WDR62: variants seen among roughly 807,000 people sequenced by gnomAD.
The protein encoded by WDR62 is WD repeat domain 62.
A neutral mutation model predicts 160.6 loss-of-function variants in WDR62; 112 were observed. The ratio of observed to expected loss-of-function variants is 0.70; its 90% confidence interval spans 0.60 to 0.82. WDR62 has a LOEUF of 0.82. Among genes scored for constraint, WDR62 ranks in the 40% least tolerant of loss-of-function variants. WDR62 has a pLI of 0.00. For missense variants in WDR62, 1,819 were observed against 1,983.8 expected (o/e 0.92, Z 1.58); for synonymous variants, 792 against 815.1 (o/e 0.97, Z 0.48).
chr19:36,090,644 G>T, intron 16 of WDR62, 124 bp downstream of exon 16: 4 of 894,952 alleles, frequency 4.5e-6, no homozygotes, highest in Non-Finnish European at 7.4e-6. Context: ...ACCTTCTCAG[G>T]CCTGGTTAAA....
At chr19:36,099,671 G>C in intron 22 of WDR62, 54 bp downstream of exon 22, 1 of 1,583,880 alleles carries the variant, frequency 6.3e-7, no homozygotes, top group Non-Finnish European at 8.6e-7. Context: ...GACGGCCCCA[G>C]GGCCTGGCGC....
At chr19:36,055,208 C>A in intron 1 of WDR62, 60 bp downstream of exon 1, 1 of 1,543,040 alleles carries the variant, frequency 6.5e-7, no homozygotes. Flanking sequence ...CCCCTAGTCC[C>A]GTCCTGAGAA....
At chr19:36,092,987 G>A (rs927182062) in intron 19 of WDR62, among the ~76,000 whole-genome samples, 176 bp downstream of exon 19, 5 of 152,326 alleles carry the variant, frequency 3.3e-5, no homozygotes, top group Non-Finnish European at 5.9e-5. Flanking sequence ...ATACAAAAAG[G>A]TTTTGTGGAT....
At chr19:36,095,919 T>A (rs1972929075) in intron 20 of WDR62, among the ~76,000 whole-genome samples, 1 of 152,156 alleles carries the variant, frequency 6.6e-6, no homozygotes, top group Admixed American at 6.5e-5. Flanking sequence ...CCTGCGAAAT[T>A]TTAAGTTATT....
chr19:36,089,234 C>G lies in WDR62; in HGVS notation c.1886C>G (p.Thr629Ser), dbSNP rs1972443729. Residue 629 changes from threonine (T) to serine (S), a missense_variant, in exon 15 of 32, where the codon ACC (threonine) becomes AGC (serine). Thr to Ser is a moderately conservative substitution (Grantham distance 58). Transcript: ENST00000401500. ...CGTACCCACCACGTAGCAGAGAAAA[C>G]CACCTTGTATGACATGGACATTGAC... ...FVRTHHVAEKTTLYDMDIDIT... is the reference protein window; with the variant it reads ...FVRTHHVAEKSTLYDMDIDIT... 1 of 1,614,218 alleles carries G rather than the reference C, an allele frequency of 6.2e-7. No homozygotes were observed. Among genetic ancestry groups the G allele is most frequent in the East Asian group, 2.2e-5 (1 of 44,892 alleles).
intron 26 of WDR62, chr19:36,102,498 T>C (rs1003360081): frequency 1.0e-5 from 6 of 593,230 alleles, no homozygotes; most frequent in South Asian, 4.0e-5. Flanking sequence ...CTGCCTCAGA[T>C]GATCTGCCCG....
intron 20 of WDR62, among the ~76,000 whole-genome samples, chr19:36,096,519 C>A (rs1171870309): frequency 6.6e-6 from 1 of 151,710 alleles, no homozygotes; most frequent in Non-Finnish European, 1.5e-5. Context: ...TCCTGGCTAA[C>A]ATGGTGAAAC....
chr19:36,102,072 C>CA lies in WDR62; in HGVS notation c.3142dup (p.Ser1048LysfsTer18). 1 of 1,614,206 alleles carries CA rather than the reference C, an allele frequency of 6.2e-7. No individual in the cohort carries two copies. ...TGCCCGAGGGACCCAGCGTCCCCAGCAGCTCCCTACCCCAGACTCCGGAGC... is the reference window on the plus strand; with the variant it reads ...TGCCCGAGGGACCCAGCGTCCCCAGCAAGCTCCCTACCCCAGACTCCGGAGC... On this transcript the variant is annotated frameshift_variant, in exon 26 of 32. Transcript: ENST00000401500. LOFTEE classifies it high-confidence loss of function.
At chr19:36,102,557 G>A (rs1003232423) in intron 26 of WDR62, 180 bp from the exon 27 acceptor site, 13 of 629,278 alleles carry the variant, frequency 2.1e-5, no homozygotes, top group Admixed American at 1.1e-4. Flanking sequence ...CACCGTGCCC[G>A]GCCCACTGCT....
chr19:36,066,062 T>C, intron 4 of WDR62, 47 bp downstream of exon 4: 1 of 1,606,966 alleles, frequency 6.2e-7, no homozygotes, highest in African/African-American at 1.3e-5. Flanking sequence ...TGGGGGGTCT[T>C]GGAAGCCATT....
Position 36,097,050 on chromosome 19 carries a change from G to A in WDR62, c.2491G>A (p.Gly831Ser), listed in dbSNP as rs371191164. The A allele has an allele frequency of 8.7e-6, 14 of 1,613,568 alleles. No individual in the cohort carries two copies. Among genetic ancestry groups the A allele is most frequent in the Middle Eastern group, 1.6e-4 (1 of 6,062 alleles). Reference sequence around the variant, plus strand: ...AGATCCTCGTTGCCTGCTAACCAACGGCAAGCTGCCACTGTGGGCAAAGCG... The same window carrying A: ...AGATCCTCGTTGCCTGCTAACCAACAGCAAGCTGCCACTGTGGGCAAAGCG... The part of the protein sequence containing the change: ...DPDPRCLLTN[G>S]KLPLWAKRLL... Residue 831 changes from glycine (G) to serine (S), a missense_variant, in exon 21 of 32, where the codon GGC becomes AGC. Gly to Ser is a moderately conservative substitution (Grantham distance 56). Transcript: ENST00000401500.
chr19:36,100,369 G>T (rs751546895), intron 22 of WDR62, among the ~76,000 whole-genome samples: 1 of 152,092 alleles, frequency 6.6e-6, no homozygotes, highest in African/African-American at 2.4e-5. Flanking sequence ...TGTAATTCAC[G>T]TGTGTCCACT....
intron 10 of WDR62, 158 bp downstream of exon 10, chr19:36,081,728 C>G (rs1311978264): frequency 5.7e-6 from 5 of 872,234 alleles, no homozygotes; most frequent in Admixed American, 3.9e-5. Flanking sequence ...ATCACTGCCT[C>G]TTGTTTCTCT....
Position 36,101,589 on chromosome 19 carries a change from A to C in WDR62, c.2972-75A>C, listed in dbSNP as rs1973339759. 5 of 1,173,346 alleles carry C rather than the reference A, an allele frequency of 4.3e-6. No individual in the cohort carries two copies. In the South Asian group the frequency reaches 6.5e-5, roughly 15 times the overall value. The allele number at this position is 1,173,346 out of a possible 1,614,324, so 72.7% of individuals were successfully genotyped here. On this transcript the variant is annotated intron_variant, in intron 24 of 31. Transcript: ENST00000401500. ...TCCTCCAGATGGGGAAACTGAGCCC[A>C]GGGAAGGGTAGCCCTGGCCCTGGCT...
At chr19:36,073,676 A>G (rs1250729906) in intron 9 of WDR62, 145 bp downstream of exon 9, 5 of 745,010 alleles carry the variant, frequency 6.7e-6, no homozygotes, top group Middle Eastern at 2.3e-4. Flanking sequence ...GAGGACACAG[A>G]CACAAAATCC....
At chr19:36,095,096 T>G (rs1178362376) in intron 20 of WDR62, among the ~76,000 whole-genome samples, 2 of 152,176 alleles carry the variant, frequency 1.3e-5, no homozygotes, top group Non-Finnish European at 2.9e-5. Context: ...GCAACCAGGC[T>G]TAAGTCAGGA....
At chr19:36,078,251 G>A (rs760996550) in intron 9 of WDR62, among the ~76,000 whole-genome samples, 1 of 151,120 alleles carries the variant, frequency 6.6e-6, no homozygotes, top group African/African-American at 2.4e-5. Context: ...AGGTTCAAGC[G>A]ATTCTTCTGC....
Position 36,104,636 on chromosome 19 carries a change from G to A in WDR62, c.4272G>A (p.Leu1424=). 6.2e-7 allele frequency: 1 copy of A among 1,614,074 alleles called. No homozygotes were observed. The highest frequency in any genetic ancestry group is 8.5e-7 in the Non-Finnish European group (1 of 1,179,986). ...LSRVGNILHR[L]QTTFQEALDL... ...GGGTGGGGAACATCTTGCACAGGCT[G>A]CAGACCACCTTCCAAGAAGCCCTCG... is the stretch of plus-strand genomic sequence containing the variant. Residue 1424 remains leucine (L), a synonymous_variant, in exon 31 of 32, where the codon CTG becomes CTA. Coordinates refer to ENST00000401500, the MANE Select transcript of WDR62 (RefSeq NM_001083961.2).
chr19:36,077,456 A>C lies in WDR62; in HGVS notation c.1233+3925A>C, dbSNP rs1198617630. 2.6e-5 allele frequency among the ~76,000 whole-genome samples: 4 copies of C among 151,166 alleles called. No homozygotes were observed. The East Asian group carries it at 7.8e-4, about 29-fold the overall frequency. On this transcript the variant is annotated intron_variant, in intron 9 of 31. Transcript: ENST00000401500. ...CCACCACACCCAGCTAATTTTTTGT[A>C]TTTTTAGTAGAGACGAGGTTTCACC... is the stretch of plus-strand genomic sequence containing the variant.
Sources: allele counts gnomAD v4.1 joint callset (sites outside exome capture counted in the v4.1 genomes callset), GRCh38; gene constraint gnomAD v4.1.1; transcripts MANE v1.5; gene names NCBI Gene and HGNC (gene_info 2026-07-23, HGNC 2026-07-21).